ERCC6L2: variants seen among roughly 807,000 people sequenced by gnomAD.
ERCC6L2 encodes the protein ERCC excision repair 6 like 2.
A neutral mutation model predicts 132.0 loss-of-function variants in ERCC6L2; 77 were observed. The ratio of observed to expected loss-of-function variants is 0.58; its 90% confidence interval spans 0.49 to 0.71. The LOEUF is 0.71. Ranked by LOEUF, ERCC6L2 falls within the 30% of genes least tolerant of loss-of-function variation. The pLI is 0.00. For synonymous variants in ERCC6L2, 583 were observed against 632.4 expected (o/e 0.92, Z 1.17); for missense variants, 1,542 against 1,837.6 (o/e 0.84, Z 2.94).
Position 95,972,577 on chromosome 9 carries a change from T to C in ERCC6L2, c.2826T>C (p.Asn942=). The C allele has an allele frequency of 7.8e-7, 1 of 1,289,560 alleles. No individual in the cohort carries two copies. Among genetic ancestry groups the C allele is most frequent in the Non-Finnish European group, 1.0e-6 (1 of 988,784 alleles). The allele number at this position is 1,289,560 out of a possible 1,614,324, so 79.9% of individuals were successfully genotyped here. A position where few individuals can be genotyped will look rare whatever the true frequency, so the allele number is the denominator to read the frequency against. ...ETEHTVKTRN[N]DNSRNTDDKR... Reference sequence around the variant, plus strand: ...AACACACTGTAAAAACAAGAAATAATGATAATAGTCGAAACACTGATGACA... The same window carrying C: ...AACACACTGTAAAAACAAGAAATAACGATAATAGTCGAAACACTGATGACA... Residue 942 remains asparagine, a synonymous_variant, in exon 16 of 19, where the codon AAT becomes AAC. Transcript: ENST00000653738.
Position 96,013,164 on chromosome 9 carries a change from T to TA in ERCC6L2, c.4615dup (p.Thr1539AsnfsTer3), listed in dbSNP as rs762511410. 6 of 1,366,374 alleles carry TA rather than the reference T, an allele frequency of 4.4e-6. No individual in the cohort carries two copies. The Admixed American group carries it at 9.6e-5, about 22-fold the overall frequency. The allele number at this position is 1,366,374 out of a possible 1,614,324, so 84.6% of individuals were successfully genotyped here. ...TATGGAAGAAATTTAGCCCAAGTGA[T>TA]ACAGATGAAAACGCAACCAATACAC... is the stretch of plus-strand genomic sequence containing the variant. On this transcript the variant is annotated frameshift_variant, in exon 19 of 19. Coordinates refer to ENST00000653738, the MANE Select transcript of ERCC6L2 (RefSeq NM_020207.7). LOFTEE classifies it low-confidence loss of function (END_TRUNC).
Position 95,971,961 on chromosome 9 carries a change from G to A in ERCC6L2, c.2210G>A (p.Arg737Lys). 7.7e-7 allele frequency: 1 copy of A among 1,302,746 alleles called. No individual in the cohort carries two copies. The highest frequency in any genetic ancestry group is 1.0e-6 in the Non-Finnish European group (1 of 988,116). The allele number at this position is 1,302,746 out of a possible 1,614,324, so 80.7% of individuals were successfully genotyped here. Residue 737 changes from arginine to lysine, a missense_variant, in exon 16 of 19, where the codon AGA becomes AAA. Physicochemically the swap from Arg to Lys is conservative, Grantham distance 26 (BLOSUM62 2). This residue lies in a region of ERCC6L2 where 945 missense variants were observed against 1,105.2 expected (regional missense o/e 0.86). Transcript: ENST00000653738. ...AGACAGCCTGACTGTCAGGAATGCA[G>A]AGGTACAGAACAAGCTGCAGAGCCA... is the stretch of plus-strand genomic sequence containing the variant. ...MPRQPDCQEC[R>K]GTEQAAEPLA...
chr9:96,010,680 A>G (rs1430690984), intron 18 of ERCC6L2, among the ~76,000 whole-genome samples: 1 of 152,066 alleles, frequency 6.6e-6, no homozygotes, highest in Non-Finnish European at 1.5e-5. Context: ...CCAATCACTG[A>G]CCTAGGTTCC....
chr9:95,924,919 A>T (rs1413156309), intron 9 of ERCC6L2, among the ~76,000 whole-genome samples: 2 of 152,118 alleles, frequency 1.3e-5, no homozygotes, highest in African/African-American at 2.4e-5. Flanking sequence ...TAAGCTAGGG[A>T]TATATTTTTA....
intron 17 of ERCC6L2, among the ~76,000 whole-genome samples, chr9:95,982,223 G>C (rs1007405309): frequency 6.6e-6 from 1 of 152,096 alleles, no homozygotes; most frequent in Non-Finnish European, 1.5e-5. Flanking sequence ...GAGGTAGCGT[G>C]GGGGAGTGTC....
chr9:95,993,912 G>A (rs1237749163), intron 17 of ERCC6L2, among the ~76,000 whole-genome samples: 1 of 152,102 alleles, frequency 6.6e-6, no homozygotes, highest in East Asian at 1.9e-4. Flanking sequence ...TTAAACATAG[G>A]CAGAAAATTT....
rs1320265579 is a variant in ERCC6L2, at chr9:96,015,582, T to G, written c.*2379T>G. On this transcript the variant is annotated 3_prime_UTR_variant, in exon 19 of 19. Transcript: ENST00000653738. ...AGGCCGAGGCAGGCGGATCACAAGG[T>G]CATGAGATCGAGACTATCCTGGCTA... 1.3e-5 allele frequency among the ~76,000 whole-genome samples: 2 copies of G among 150,374 alleles called. No individual in the cohort carries two copies. Among genetic ancestry groups the G allele is most frequent in the Non-Finnish European group, 3.0e-5 (2 of 67,604 alleles).
At chr9:95,951,373 A>G (rs938267195) in intron 12 of ERCC6L2, among the ~76,000 whole-genome samples, 1 of 152,200 alleles carries the variant, frequency 6.6e-6, no homozygotes, top group African/African-American at 2.4e-5. Context: ...GGTCTAAATC[A>G]ACAATTAACT....
intron 20 of ERCC6L2, among the ~76,000 whole-genome samples, chr9:96,039,617 GT>G (rs1349188049): frequency 6.6e-6 from 1 of 152,134 alleles, no homozygotes; most frequent in Non-Finnish European, 1.5e-5. Context: ...CGGGGGAGTG[GT>G]GGGGACTAGA....
chr9:95,923,233 T>C (rs1285553050), intron 8 of ERCC6L2, 27 bp from the exon 9 acceptor site: 7 of 1,608,752 alleles, frequency 4.4e-6, no homozygotes, highest in African/African-American at 1.3e-5. Context: ...AGTGGAAATA[T>C]CTTTTCTTCT....
intron 4 of ERCC6L2, among the ~76,000 whole-genome samples, chr9:95,915,275 C>T (rs1400590201): frequency 6.6e-6 from 1 of 152,204 alleles, no homozygotes; most frequent in South Asian, 2.1e-4. Flanking sequence ...CTATGGAATA[C>T]AGCTTTTAAA....
chr9:95,924,422 T>C (rs1293508657), intron 9 of ERCC6L2, among the ~76,000 whole-genome samples: 2 of 152,124 alleles, frequency 1.3e-5, no homozygotes, highest in African/African-American at 2.4e-5. Flanking sequence ...AATCTAATGA[T>C]ATTTCCTAAG....
At position 95,881,125 on chromosome 9, in the gene ERCC6L2, A is replaced by G. The variant is rs1482166188; in HGVS notation, c.303A>G (p.Ser101=). 1 of 1,613,638 alleles carries G rather than the reference A, an allele frequency of 6.2e-7. No homozygotes were observed. Among genetic ancestry groups the G allele is most frequent in the Non-Finnish European group, 8.5e-7 (1 of 1,179,906 alleles). ...KPYFPNRKFP[S]SSVAFKLSDN... is the part of the protein sequence containing the mutation. The stretch of plus-strand genomic sequence containing the variant: ...ATTTCCCAAACCGAAAATTTCCATC[A>G]TCTTCTGTTGCTTTTAAATTATCTG... The change falls in exon 2 of 19, where the codon TCA becomes TCG. Residue 101 remains serine (S), a synonymous_variant. Transcript: ENST00000653738.
intron 12 of ERCC6L2, among the ~76,000 whole-genome samples, chr9:95,949,759 C>T (rs1325620631): frequency 2.0e-5 from 3 of 152,142 alleles, no homozygotes; most frequent in Admixed American, 2.0e-4. Context: ...CCTGTAATCC[C>T]AGCACTTTGG....
intron 12 of ERCC6L2, among the ~76,000 whole-genome samples, chr9:95,943,505 T>G (rs1432152632): frequency 6.6e-6 from 1 of 152,140 alleles, no homozygotes; most frequent in African/African-American, 2.4e-5. Context: ...GGACTCAACA[T>G]TCTACGTTTT....
chr9:95,945,294 C>T (rs983760489), intron 12 of ERCC6L2, among the ~76,000 whole-genome samples: 5 of 152,184 alleles, frequency 3.3e-5, no homozygotes, highest in African/African-American at 7.2e-5. Context: ...CTGTTCCACC[C>T]GGCTCACTGG....
At chr9:95,914,492 T>G (rs1319007874) in intron 4 of ERCC6L2, among the ~76,000 whole-genome samples, 1 of 152,126 alleles carries the variant, frequency 6.6e-6, no homozygotes, top group African/African-American at 2.4e-5. Context: ...TAGCCGGGAC[T>G]ACAGGCACAC....
At chr9:96,008,007 C>G (rs1317488058) in intron 18 of ERCC6L2, among the ~76,000 whole-genome samples, 1 of 152,154 alleles carries the variant, frequency 6.6e-6, no homozygotes, top group East Asian at 1.9e-4. Context: ...GCTCTCAGCT[C>G]TCTGCAGTTG....
chr9:96,019,462 C>T (rs1200789887), downstream of ERCC6L2, among the ~76,000 whole-genome samples: 1 of 152,142 alleles, frequency 6.6e-6, no homozygotes, highest in Non-Finnish European at 1.5e-5. Context: ...CCTTCCTTCA[C>T]CTGTGCCTGG....
Sources: gnomAD v4.1 joint callset for allele counts (sites outside exome capture counted in the v4.1 genomes callset) on GRCh38, gnomAD v4.1.1 for gene constraint, gnomAD v4.1.1 regional missense constraint, MANE v1.5 for transcripts, NCBI Gene and HGNC (gene_info 2026-07-23, HGNC 2026-07-21) for gene names.